The following SENP6 variants were observed in gnomAD, a reference collection of about 807,000 sequenced individuals.
The protein encoded by SENP6 is sentrin-specific protease 6.
In SENP6, 41 loss-of-function variants were observed where a neutral mutation model predicts 134.5. The observed-to-expected ratio is 0.30, with a 90% CI of 0.24 to 0.40. The LOEUF (loss-of-function observed/expected upper bound fraction) is 0.40, where lower values mean the gene tolerates loss of function less well. SENP6 is among the 10% of genes least tolerant of loss of function. SENP6 has a pLI of 1.00. For missense variants in SENP6, 1,248 were observed against 1,312.5 expected (o/e 0.95, Z 0.76); for synonymous variants, 395 against 429.8 (o/e 0.92, Z 1.00).
intron 11 of SENP6, among the ~76,000 whole-genome samples, chr6:75,674,206 G>C (rs996467385): frequency 2.7e-5 from 4 of 146,440 alleles, no homozygotes; most frequent in Admixed American, 2.1e-4. Context: ...GCTCAGGCTG[G>C]AGTTCAGTGC....
At chr6:75,608,695 T>C (rs2149817933) in intron 1 of SENP6, among the ~76,000 whole-genome samples, 1 of 152,338 alleles carries the variant, frequency 6.6e-6, no homozygotes, top group South Asian at 2.1e-4. Flanking sequence ...ACTTCTCTGT[T>C]TTCTCAGCTA....
intron 19 of SENP6, among the ~76,000 whole-genome samples, chr6:75,704,167 G>A (rs1775230189): frequency 6.6e-6 from 1 of 152,184 alleles, no homozygotes; most frequent in Non-Finnish European, 1.5e-5. Context: ...CAGAGACAAA[G>A]TATAGAGAAA....
intron 18 of SENP6, among the ~76,000 whole-genome samples, chr6:75,699,322 C>G (rs1774865976): frequency 6.9e-6 from 1 of 144,950 alleles, no homozygotes; most frequent in Non-Finnish European, 1.5e-5. Flanking sequence ...AAAAAATAGC[C>G]TATAAATCAA....
intron 17 of SENP6, among the ~76,000 whole-genome samples, chr6:75,696,181 T>C (rs892884291): frequency 1.3e-5 from 2 of 152,236 alleles, no homozygotes; most frequent in African/African-American, 4.8e-5. Flanking sequence ...GGCAATATCA[T>C]TTAGTTCTCT....
At position 75,623,967 on chromosome 6, in the gene SENP6, GTTGCTTAAAATATT is replaced by G. The variant is rs1208933381; in HGVS notation, c.207+10_207+23del. 6.2e-7 allele frequency: 1 copy of G among 1,600,640 alleles called. No individual in the cohort carries two copies. Among genetic ancestry groups the G allele is most frequent in the Admixed American group, 1.7e-5 (1 of 59,160 alleles). Reference sequence around the variant, plus strand: ...AACCTCAAAAGGAAAAAAGGCAAGTGTTGCTTAAAATATTTTCTTCTTTTACATTATATACAAAA... The same window carrying G: ...AACCTCAAAAGGAAAAAAGGCAAGTGTTCTTCTTTTACATTATATACAAAA... On this transcript the variant is annotated splice_region_variant and intron_variant, in intron 3 of 23. Coordinates refer to ENST00000447266, the MANE Select transcript of SENP6 (RefSeq NM_015571.4).
Position 75,663,274 on chromosome 6 carries a change from A to T in SENP6, c.750A>T (p.Pro250=), listed in dbSNP as rs368013516. The change falls in exon 9 of 24, where the codon CCA becomes CCT. Residue 250 remains proline (P), a synonymous_variant. Coordinates refer to ENST00000447266, the MANE Select transcript of SENP6 (RefSeq NM_015571.4). The stretch of plus-strand genomic sequence containing the variant: ...TTACTTTGAATGAGTCTACTGGACC[A>T]TTATTAAGAACGTCAATTCATCAGA... The part of the protein sequence containing the change: ...QAITLNESTG[P]LLRTSIHQNS... 3.1e-6 allele frequency: 5 copies of T among 1,613,624 alleles called. No homozygotes were observed. Among genetic ancestry groups the T allele is most frequent in the African/African-American group, 2.7e-5 (2 of 74,920 alleles).
At chr6:75,649,215 T>C (rs1209694594) in intron 7 of SENP6, among the ~76,000 whole-genome samples, 1 of 151,826 alleles carries the variant, frequency 6.6e-6, no homozygotes, top group Non-Finnish European at 1.5e-5. Context: ...CTCGGAAGGC[T>C]GAGACACAAG....
intron 3 of SENP6, among the ~76,000 whole-genome samples, chr6:75,626,580 G>A (rs187739573): frequency 1.1e-4 from 16 of 152,074 alleles, no homozygotes; most frequent in Non-Finnish European, 1.9e-4. Flanking sequence ...TTGCTATTAC[G>A]TATAAGACTT....
Position 75,601,985 on chromosome 6 carries a change from C to T in SENP6, c.-540C>T, listed in dbSNP as rs1582629319. 1 of 153,830 alleles carries T rather than the reference C, an allele frequency of 6.5e-6. No individual in the cohort carries two copies. Among genetic ancestry groups the T allele is most frequent in the Non-Finnish European group, 1.4e-5 (1 of 69,168 alleles). 9.5% of individuals were successfully genotyped at this position (153,830 alleles called of 1,614,324 possible). ...GCAAAGGCCTCCGCTGATGCATTCA[C>T]GCCTGGGCGGGGTGGGCGGACGGCC... On this transcript the variant is annotated 5_prime_UTR_variant, in exon 1 of 24. It adds an upstream start codon to the 5' untranslated region. Transcript: ENST00000447266.
In SENP6 at chr6:75,633,601, T is replaced by C. The variant is rs1402247476; in HGVS notation, c.228T>C (p.Ile76=). The C allele has an allele frequency of 1.9e-6, 3 of 1,598,206 alleles. No homozygotes were observed. The highest frequency in any genetic ancestry group is 1.4e-5 in the African/African-American group (1 of 73,938). ...TACAGTTAAATCGTCGATCTGAAAT[T>C]GTTGCTAATAGCTCTGGTGAATTCA... ...KGKKLNRRSE[I]VANSSGEFIL... Residue 76 remains isoleucine (I), a synonymous_variant, in exon 4 of 24, where the codon ATT becomes ATC. Transcript: ENST00000447266.
At chr6:75,694,726 A>T (rs895574956) in intron 16 of SENP6, among the ~76,000 whole-genome samples, 1 of 151,998 alleles carries the variant, frequency 6.6e-6, no homozygotes, top group Non-Finnish European at 1.5e-5. Context: ...CTTCATTTCT[A>T]TTTCAGATAT....
At chr6:75,653,282 C>T (rs1480721837) in intron 7 of SENP6, among the ~76,000 whole-genome samples, 7 of 152,182 alleles carry the variant, frequency 4.6e-5, no homozygotes, top group African/African-American at 7.2e-5. Context: ...CCCCCCGCCT[C>T]GGCCTCCCAA....
chr6:75,702,595 T>C (rs779219248), intron 18 of SENP6, 50 bp from the exon 19 acceptor site: 43 of 1,454,398 alleles, frequency 3.0e-5, no homozygotes, highest in African/African-American at 4.3e-5. Context: ...TTGCCAAATA[T>C]AATAAACTTT....
intron 2 of SENP6, among the ~76,000 whole-genome samples, chr6:75,622,201 A>G (rs2149829531): frequency 1.3e-5 from 2 of 152,314 alleles, no homozygotes; most frequent in Middle Eastern, 6.8e-3. Context: ...TTGTGTAAAA[A>G]TTTTAAATGA....
At chr6:75,671,335 C>A (rs903372705) in intron 11 of SENP6, among the ~76,000 whole-genome samples, 1 of 152,074 alleles carries the variant, frequency 6.6e-6, no homozygotes, top group Non-Finnish European at 1.5e-5. Context: ...GTTCTGTAAG[C>A]CTTTGTTTTA....
intron 16 of SENP6, among the ~76,000 whole-genome samples, chr6:75,692,746 C>A (rs67573572): frequency 0.28 from 43,075 of 151,378 alleles, 6,684 homozygotes; most frequent in Middle Eastern, 0.37. Flanking sequence ...TCCCACTCCT[C>A]CCTCACACCT....
intron 1 of SENP6, among the ~76,000 whole-genome samples, chr6:75,616,352 A>G (rs1767843901): frequency 6.6e-6 from 1 of 152,070 alleles, no homozygotes; most frequent in Admixed American, 6.5e-5. Context: ...ACTTTTAAAA[A>G]TCTCTTTTCT....
chr6:75,677,388 G>A, intron 14 of SENP6, 132 bp downstream of exon 14: 1 of 706,824 alleles, frequency 1.4e-6, no homozygotes, highest in Non-Finnish European at 2.2e-6. Flanking sequence ...TTACTTTTAT[G>A]TGTGATTTGT....
chr6:75,701,931 C>G (rs1418189724), intron 18 of SENP6, among the ~76,000 whole-genome samples: 2 of 151,994 alleles, frequency 1.3e-5, no homozygotes, highest in Non-Finnish European at 2.9e-5. Context: ...TGAGCCACCG[C>G]ACCTGGCCGA....
Sources: allele counts gnomAD v4.1 joint callset (sites outside exome capture counted in the v4.1 genomes callset), GRCh38; gene constraint gnomAD v4.1.1; transcripts MANE v1.5; gene names NCBI Gene and HGNC (gene_info 2026-07-23, HGNC 2026-07-21).